Variants in CCNI observed in about 807,000 individuals in gnomAD.
The protein encoded by CCNI is cyclin I.
In CCNI, 14 loss-of-function variants were observed where a neutral mutation model predicts 34.1. The observed-to-expected ratio is 0.41, with a 90% CI of 0.27 to 0.64. The LOEUF (loss-of-function observed/expected upper bound fraction) is 0.64, where lower values mean the gene tolerates loss of function less well. Among genes scored for constraint, CCNI ranks in the 30% least tolerant of loss-of-function variants. The pLI is 0.31. For missense variants in CCNI, 385 were observed against 440.5 expected (o/e 0.87, Z 1.13); for synonymous variants, 154 against 158.4 (o/e 0.97, Z 0.21).
At chr4:77,067,759 AGG>A (rs1729144639) in intron 1 of CCNI, among the ~76,000 whole-genome samples, 1 of 137,342 alleles carries the variant, frequency 7.3e-6, no homozygotes, top group Admixed American at 7.8e-5. Context: ...CTGGGGTTAC[AGG>A]TGTGAGCCAC....
At chr4:77,050,346 G>A (rs563815698) in intron 6 of CCNI, among the ~76,000 whole-genome samples, 71 of 152,060 alleles carry the variant, frequency 4.7e-4, no homozygotes, top group Admixed American at 1.2e-3. Context: ...CACCATGACT[G>A]TTTGCAATAC....
chr4:77,048,487 A>G lies in CCNI; in HGVS notation c.866T>C (p.Phe289Ser), dbSNP rs1179437191. ...LHPSSVPGPD[F>S]SKDNSKPEVP... ...TTCTGGCTTGCTGTTGTCCTTGGAG[A>G]AGTCTGGGCCTGGGACAGAGGAGGG... Residue 289 changes from phenylalanine (F) to serine (S), a missense_variant, in exon 7 of 7, where the codon TTC becomes TCC. This residue lies in a region of CCNI where 250 missense variants were observed against 248.7 expected (regional missense o/e 1.01). Transcript: ENST00000237654. The G allele has an allele frequency of 6.2e-7, 1 of 1,614,042 alleles. No individual in the cohort carries two copies. Among genetic ancestry groups the G allele is most frequent in the Admixed American group, 1.7e-5 (1 of 60,002 alleles).
chr4:77,050,016 T>G (rs1727720722), intron 6 of CCNI, among the ~76,000 whole-genome samples: 1 of 152,194 alleles, frequency 6.6e-6, no homozygotes, highest in Admixed American at 6.5e-5. Context: ...TTAGTATTAA[T>G]AAGAATCTCC....
In CCNI at chr4:77,056,052, G is replaced by A; in HGVS notation, c.369C>T (p.Ser123=). Residue 123 remains serine, a synonymous_variant, in exon 5 of 7, where the codon TCC becomes TCT. Coordinates refer to ENST00000237654, the MANE Select transcript of CCNI (RefSeq NM_006835.3). The part of the protein sequence containing the change: ...VLARDSFCGC[S]SSEILRMERI... ...TCTCCATTCTCAAAATTTCAGATGAGGAACATCCACAGAAACTGTCTCTTG... is the reference window on the plus strand; with the variant it reads ...TCTCCATTCTCAAAATTTCAGATGAAGAACATCCACAGAAACTGTCTCTTG... 6.2e-7 allele frequency: 1 copy of A among 1,613,668 alleles called. No individual in the cohort carries two copies.
chr4:77,052,774 A>G (rs1268356322), intron 6 of CCNI, among the ~76,000 whole-genome samples: 1 of 152,188 alleles, frequency 6.6e-6, no homozygotes, highest in African/African-American at 2.4e-5. Flanking sequence ...AAACACAAAG[A>G]TATTAGACCT....
chr4:77,054,904 T>C (rs1451202306), intron 6 of CCNI, among the ~76,000 whole-genome samples: 1 of 152,172 alleles, frequency 6.6e-6, no homozygotes, highest in Non-Finnish European at 1.5e-5. Flanking sequence ...GACAATCTTA[T>C]GAACATTTTA....
chr4:77,075,426 G>T, intron 1 of CCNI, 46 bp downstream of exon 1: 3 of 844,960 alleles, frequency 3.6e-6, no homozygotes, highest in Non-Finnish European at 4.3e-6. Context: ...CGTCGACGCC[G>T]GCCGCGGAGA....
At chr4:77,054,186 T>A (rs554423732) in intron 6 of CCNI, among the ~76,000 whole-genome samples, 3 of 152,224 alleles carry the variant, frequency 2.0e-5, no homozygotes, top group African/African-American at 7.2e-5. Context: ...AATTATAACT[T>A]TCTTAGAAAA....
intron 1 of CCNI, among the ~76,000 whole-genome samples, chr4:77,067,866 T>A (rs1300627411): frequency 2.0e-5 from 3 of 147,780 alleles, no homozygotes; most frequent in African/African-American, 7.5e-5. Context: ...GAAAATTGGA[T>A]TAAGAAACTG....
At position 77,048,238 on chromosome 4, in the gene CCNI, T is replaced by C; in HGVS notation, c.1115A>G (p.Gln372Arg). 1 of 1,613,794 alleles carries C rather than the reference T, an allele frequency of 6.2e-7. No individual in the cohort carries two copies. Among genetic ancestry groups the C allele is most frequent in the Non-Finnish European group, 8.5e-7 (1 of 1,179,816 alleles). ...EGHASPCPPL[Q>R]PVSVM ...TTGAAACTACATGACAGAAACAGGC[T>C]GCAAAGGTGGACAAGGGGAAGCATG... is the stretch of plus-strand genomic sequence containing the variant. The change falls in exon 7 of 7, where the codon CAG becomes CGG. Residue 372 changes from glutamine (Q) to arginine (R), a missense_variant. Transcript: ENST00000237654.
rs1158525992 is a variant in CCNI, at chr4:77,048,430, T to C, written c.923A>G (p.His308Arg). The change falls in exon 7 of 7, where the codon CAT becomes CGT. Residue 308 changes from histidine (H) to arginine (R), a missense_variant. Physicochemically the swap from His to Arg is conservative, Grantham distance 29. Coordinates refer to ENST00000237654, the MANE Select transcript of CCNI (RefSeq NM_006835.3). The part of the protein sequence containing the change: ...VPVRGTAAFY[H>R]HLPAASGCKQ... ...GCACCCACTGGCAGCTGGGAGATGA[T>C]GGTAAAAGGCTGCTGTACCTCTGAC... 5 of 1,613,994 alleles carry C rather than the reference T, an allele frequency of 3.1e-6. No individual in the cohort carries two copies. Among genetic ancestry groups the C allele is most frequent in the South Asian group, 2.2e-5 (2 of 91,086 alleles).
At chr4:77,055,007 T>G in intron 6 of CCNI, 143 bp downstream of exon 6, 1 of 562,394 alleles carries the variant, frequency 1.8e-6, no homozygotes, top group Non-Finnish European at 3.2e-6. Flanking sequence ...GCCCGTAAAT[T>G]TAAAATATAT....
chr4:77,075,538 G>C lies in CCNI; in HGVS notation c.-110C>G, dbSNP rs1038475113. The C allele has an allele frequency of 2.5e-5, 25 of 988,452 alleles. No individual in the cohort carries two copies. The highest frequency in any genetic ancestry group is 8.7e-5 in the African/African-American group (5 of 57,314). 61.2% of individuals were successfully genotyped at this position (988,452 alleles called of 1,614,324 possible). Reference sequence around the variant, plus strand: ...TGTAGGCCTCACAGTGGTGACGCGGGGTCATCCGGGGGCCCGTTACCACCT... The same window carrying C: ...TGTAGGCCTCACAGTGGTGACGCGGCGTCATCCGGGGGCCCGTTACCACCT... On this transcript the variant is annotated 5_prime_UTR_variant, in exon 1 of 7. Coordinates refer to ENST00000237654, the MANE Select transcript of CCNI (RefSeq NM_006835.3).
chr4:77,048,255 G>A lies in CCNI; in HGVS notation c.1098C>T (p.Ser366=). ...TDLSRQEGHA[S]PCPPLQPVSV... ...AAACAGGCTGCAAAGGTGGACAAGG[G>A]GAAGCATGTCCCTCTTGTCTTGATA... Residue 366 remains serine (S), a synonymous_variant, in exon 7 of 7, where the codon TCC becomes TCT. Coordinates refer to ENST00000237654, the MANE Select transcript of CCNI (RefSeq NM_006835.3). The A allele has an allele frequency of 6.2e-7, 1 of 1,614,004 alleles. No individual in the cohort carries two copies. The highest frequency in any genetic ancestry group is 8.5e-7 in the Non-Finnish European group (1 of 1,179,962).
At chr4:77,067,790 TAAAAAAAAAAAAA>T (rs375815113) in intron 1 of CCNI, among the ~76,000 whole-genome samples, 30,765 of 98,984 alleles carry the variant, frequency 0.31, 4,744 homozygotes, top group Middle Eastern at 0.48. Context: ...CTTCTAGGTT[TAAAAAAAAAAAAA>T]AAAAAAAAAA....
At chr4:77,055,891 G>A (rs904512693) in intron 5 of CCNI, 71 bp downstream of exon 5, 99 of 1,233,606 alleles carry the variant, frequency 8.0e-5, no homozygotes, top group Admixed American at 4.6e-5. Flanking sequence ...AAATGAGTAG[G>A]CAATCTATTT....
At chr4:77,071,635 A>G (rs1729473679) in intron 1 of CCNI, among the ~76,000 whole-genome samples, 1 of 152,200 alleles carries the variant, frequency 6.6e-6, no homozygotes, top group Admixed American at 6.5e-5. Flanking sequence ...AATACAGAGG[A>G]CAAATTACTA....
chr4:77,059,793 G>A lies in CCNI; in HGVS notation c.115-1158C>T, dbSNP rs561054751. On this transcript the variant is annotated intron_variant, in intron 2 of 6. Coordinates refer to ENST00000237654, the MANE Select transcript of CCNI (RefSeq NM_006835.3). ...GGACTAAGGATCCATAAAAATCCCT[G>A]AGAACCAAGTAAAGCCAATCACAAG... Among the ~76,000 whole-genome samples the A allele has an allele frequency of 2.0e-5, 3 of 152,226 alleles. No individual in the cohort carries two copies. In the East Asian group the frequency reaches 5.8e-4, roughly 29 times the overall value.
At position 77,075,964 on chromosome 4, in the gene CCNI, G is replaced by C. The variant is rs1231076062; in HGVS notation, c.-536C>G. The C allele has an allele frequency of 6.6e-6, 1 of 152,032 alleles. No individual in the cohort carries two copies. Among genetic ancestry groups the C allele is most frequent in the Non-Finnish European group, 1.5e-5 (1 of 67,984 alleles). The allele number at this position is 152,032 out of a possible 1,614,324, so 9.4% of individuals were successfully genotyped here. On this transcript the variant is annotated 5_prime_UTR_variant, in exon 1 of 7. Transcript: ENST00000237654. ...GCGAGACAGAGGCGCTGCCGCGTCC[G>C]CTCGCGGGGAAGGCTGGGGAGGGAG...
Sources: gnomAD v4.1 joint callset for allele counts (sites outside exome capture counted in the v4.1 genomes callset) on GRCh38, gnomAD v4.1.1 for gene constraint, gnomAD v4.1.1 regional missense constraint, MANE v1.5 for transcripts, NCBI Gene and HGNC (gene_info 2026-07-23, HGNC 2026-07-21) for gene names.